Variants in ADAMTS17 observed in about 807,000 individuals in gnomAD.
ADAMTS17 encodes ADAM metallopeptidase with thrombospondin type 1 motif 17, also known as A disintegrin and metalloproteinase with thrombospondin motifs 17.
In ADAMTS17, 113 loss-of-function variants were observed where a neutral mutation model predicts 141.5. The observed-to-expected ratio is 0.80, with a 90% CI of 0.69 to 0.93. The LOEUF is 0.93. Among genes scored for constraint, ADAMTS17 ranks in the 40% least tolerant of loss-of-function variants. The pLI, the probability that ADAMTS17 is intolerant of heterozygous loss-of-function variation, is 0.00. For missense variants in ADAMTS17, 1,659 were observed against 1,517.9 expected, an observed-to-expected ratio of 1.09 and a Z score of -1.54; for synonymous variants, 768 against 630.6, an observed-to-expected ratio of 1.22 and a Z score of -3.27.
At chr15:100,265,615 T>G (rs1340450378) in intron 4 of ADAMTS17, among the ~76,000 whole-genome samples, 1 of 152,026 alleles carries the variant, frequency 6.6e-6, no homozygotes, top group African/African-American at 2.4e-5. Context: ...GGAGCCGTGG[T>G]TGGAGGCACA....
chr15:100,336,356 T>C (rs2046208168), intron 2 of ADAMTS17, among the ~76,000 whole-genome samples: 1 of 152,194 alleles, frequency 6.6e-6, no homozygotes, highest in Non-Finnish European at 1.5e-5. Flanking sequence ...AGGAATGTTG[T>C]TCCAGAGGTG....
chr15:100,060,474 C>T (rs79302844), intron 15 of ADAMTS17, among the ~76,000 whole-genome samples: 70 of 152,298 alleles, frequency 4.6e-4, no homozygotes, highest in African/African-American at 1.6e-3. Flanking sequence ...TTCCAGGGAG[C>T]GAGGTGGGGG....
intron 15 of ADAMTS17, among the ~76,000 whole-genome samples, chr15:100,072,504 C>T (rs1446327370): frequency 2.0e-5 from 3 of 151,818 alleles, no homozygotes; most frequent in Non-Finnish European, 4.4e-5. Context: ...TGACTTCAAA[C>T]TATACTACAA....
intron 8 of ADAMTS17, among the ~76,000 whole-genome samples, chr15:100,182,573 C>A (rs1229602318): frequency 6.6e-6 from 1 of 152,218 alleles, no homozygotes; most frequent in Non-Finnish European, 1.5e-5. Context: ...CAATTCAAGA[C>A]TGTCTTTCCT....
intron 3 of ADAMTS17, among the ~76,000 whole-genome samples, chr15:100,324,717 C>T (rs552081352): frequency 2.0e-5 from 3 of 152,320 alleles, no homozygotes; most frequent in Non-Finnish European, 4.4e-5. Flanking sequence ...CAGGCCCTCT[C>T]TCTCCCTGAC....
chr15:100,216,050 C>T (rs1403050141), intron 7 of ADAMTS17, among the ~76,000 whole-genome samples: 1 of 152,206 alleles, frequency 6.6e-6, no homozygotes, highest in Non-Finnish European at 1.5e-5. Flanking sequence ...GAAGGGCAGG[C>T]TCTGGACTGG....
chr15:100,076,947 A>G (rs1298299091), intron 15 of ADAMTS17, among the ~76,000 whole-genome samples: 1 of 152,106 alleles, frequency 6.6e-6, no homozygotes, highest in Non-Finnish European at 1.5e-5. Flanking sequence ...AATCGCTATG[A>G]AGTTTATATA....
Position 99,993,358 on chromosome 15 carries a change from T to TA in ADAMTS17, c.2797-159dup, listed in dbSNP as rs566714010. On this transcript the variant is annotated intron_variant, in intron 19 of 21. Transcript: ENST00000268070. This position sits in a 1 kb window ranked among gnomAD's most constrained non-coding sequence, Gnocchi z 4.3. ...AAAAAGCTCCTGGTCTGCAGGGTCT[T>TA]ACGCACGTGGTCCCAGCTGGGGCCC... Among the ~76,000 whole-genome samples the TA allele has an allele frequency of 2.0e-5, 3 of 152,290 alleles. No individual in the cohort carries two copies. Among genetic ancestry groups the TA allele is most frequent in the Non-Finnish European group, 4.4e-5 (3 of 68,034 alleles).
chr15:100,326,351 A>G (rs2045900877), intron 3 of ADAMTS17, among the ~76,000 whole-genome samples: 1 of 152,150 alleles, frequency 6.6e-6, no homozygotes, highest in South Asian at 2.1e-4. Context: ...TACACTACAA[A>G]ATCATATTTT....
At chr15:100,020,125 C>G (rs770451598) in intron 18 of ADAMTS17, among the ~76,000 whole-genome samples, 1 of 152,218 alleles carries the variant, frequency 6.6e-6, no homozygotes, top group South Asian at 2.1e-4. Flanking sequence ...ACCCAGGGGA[C>G]GGATTAACAC....
intron 15 of ADAMTS17, among the ~76,000 whole-genome samples, chr15:100,091,010 C>CAAAAAACACAAAAAA (rs2035430260): frequency 1.8e-5 from 1 of 54,596 alleles, no homozygotes; most frequent in Non-Finnish European, 3.7e-5. Flanking sequence ...TCCGTCTCAA[C>CAAAAAACACAAAAAA]AAAAAAAAAA....
At chr15:100,100,366 T>C (rs920415178) in intron 14 of ADAMTS17, among the ~76,000 whole-genome samples, 12 of 152,148 alleles carry the variant, frequency 7.9e-5, no homozygotes, top group Non-Finnish European at 1.6e-4. Context: ...ATTTCAGCCA[T>C]CATCCTCATG....
intron 7 of ADAMTS17, among the ~76,000 whole-genome samples, chr15:100,204,871 T>G (rs73479338): frequency 0.014 from 2,159 of 152,300 alleles, 47 homozygotes; most frequent in African/African-American, 0.049. Flanking sequence ...GCAATGAATG[T>G]GCTGGCACAT....
At chr15:100,211,472 A>AAAC (rs1333211879) in intron 7 of ADAMTS17, among the ~76,000 whole-genome samples, 2 of 152,218 alleles carry the variant, frequency 1.3e-5, no homozygotes, top group African/African-American at 4.8e-5. Flanking sequence ...CCAGACACAG[A>AAAC]AACAAACTCA....
intron 14 of ADAMTS17, among the ~76,000 whole-genome samples, chr15:100,101,951 C>T (rs901049873): frequency 1.3e-5 from 2 of 152,182 alleles, no homozygotes; most frequent in Admixed American, 6.5e-5. Context: ...TACTGGGTTC[C>T]TGGGTGAGTG....
In ADAMTS17 at chr15:100,262,207, C is replaced by T. The variant is rs185976193; in HGVS notation, c.873+145G>A. On this transcript the variant is annotated intron_variant, in intron 5 of 21. Coordinates refer to ENST00000268070, the MANE Select transcript of ADAMTS17 (RefSeq NM_139057.4). ...CACACCATGCTTCCGGTACTGATGC[C>T]GGCTTTCCTCTCACGCTGGCAAAGC... is the stretch of plus-strand genomic sequence containing the variant. 35 of 743,742 alleles carry T rather than the reference C, an allele frequency of 4.7e-5. No individual in the cohort carries two copies. The Middle Eastern group carries it at 1.4e-3, about 30-fold the overall frequency. The allele number at this position is 743,742 out of a possible 1,614,324, so 46.1% of individuals were successfully genotyped here.
Position 99,997,365 on chromosome 15 carries a change from TG to T in ADAMTS17, c.2796+19del. Reference sequence around the variant, plus strand: ...TGGAGTCCCTGTGGCTGAGTCCTGGTGGCAAGCCCAGGCACCCACCTGTGAC... The same window carrying T: ...TGGAGTCCCTGTGGCTGAGTCCTGGTGCAAGCCCAGGCACCCACCTGTGAC... On this transcript the variant is annotated intron_variant, in intron 19 of 21. Coordinates refer to ENST00000268070, the MANE Select transcript of ADAMTS17 (RefSeq NM_139057.4). This position sits in a 1 kb window ranked among gnomAD's most constrained non-coding sequence, Gnocchi z 4.7. 5 of 1,613,496 alleles carry T rather than the reference TG, an allele frequency of 3.1e-6. No individual in the cohort carries two copies. Among genetic ancestry groups the T allele is most frequent in the Non-Finnish European group, 4.2e-6 (5 of 1,179,954 alleles).
chr15:99,988,986 G>C (rs774237592), intron 20 of ADAMTS17, among the ~76,000 whole-genome samples: 1 of 152,162 alleles, frequency 6.6e-6, no homozygotes, highest in Non-Finnish European at 1.5e-5. Flanking sequence ...TGTCCAGCGA[G>C]TCCTCAGAAC....
At chr15:100,069,138 T>C (rs1444577204) in intron 15 of ADAMTS17, among the ~76,000 whole-genome samples, 1 of 152,020 alleles carries the variant, frequency 6.6e-6, no homozygotes, top group Non-Finnish European at 1.5e-5. Context: ...GAAGAAAGGG[T>C]ATCAGCAATG....
Sources: gnomAD v4.1 joint callset for allele counts (sites outside exome capture counted in the v4.1 genomes callset) on GRCh38, gnomAD v4.1.1 for gene constraint, Gnocchi (gnomAD v3.1) non-coding constraint, MANE v1.5 for transcripts, NCBI Gene and HGNC (gene_info 2026-07-23, HGNC 2026-07-21) for gene names.